CEP63: variants seen among roughly 807,000 people sequenced by gnomAD.
CEP63 encodes the protein centrosomal protein of 63 kDa.
A neutral mutation model predicts 89.1 loss-of-function variants in CEP63; 84 were observed. The ratio of observed to expected loss-of-function variants is 0.94; its 90% confidence interval spans 0.79 to 1.13. The LOEUF is 1.13. Ranked by LOEUF, CEP63 falls within the 50% of genes most tolerant of loss-of-function variation. CEP63 has a pLI of 0.00. For synonymous variants in CEP63, 267 were observed against 272.5 expected, an observed-to-expected ratio of 0.98 and a Z score of 0.20; for missense variants, 838 against 813.3, an observed-to-expected ratio of 1.03 and a Z score of -0.37.
At chr3:134,560,160 T>C (rs1047134041) in intron 14 of CEP63, among the ~76,000 whole-genome samples, 4 of 152,258 alleles carry the variant, frequency 2.6e-5, no homozygotes, top group Non-Finnish European at 5.9e-5. Flanking sequence ...ACCAGAACTT[T>C]CCCTGGCCTG....
At chr3:134,531,229 T>C (rs766068110) in intron 3 of CEP63, among the ~76,000 whole-genome samples, 18 of 152,232 alleles carry the variant, frequency 1.2e-4, no homozygotes, top group African/African-American at 3.4e-4. Context: ...CTCAACACTT[T>C]ATATTTCTTA....
intron 3 of CEP63, among the ~76,000 whole-genome samples, chr3:134,508,680 C>T (rs1416370883): frequency 5.3e-5 from 8 of 152,136 alleles, no homozygotes; most frequent in East Asian, 3.9e-4. Flanking sequence ...GCATTGTTGC[C>T]GTTACTTAAT....
the CEP63 span, chr3:134,650,758 G>T: frequency 1.4e-6 from 2 of 1,409,306 alleles, no homozygotes; most frequent in Non-Finnish European, 1.9e-6. Flanking sequence ...CCCCCGGCGG[G>T]CAGGCCCTTG....
At chr3:134,731,598 G>GA in the CEP63 span, among the ~76,000 whole-genome samples, 5 of 152,156 alleles carry the variant, frequency 3.3e-5, no homozygotes, top group Non-Finnish European at 5.9e-5. Flanking sequence ...GCAGCTGCCT[G>GA]AACCTGTTTA....
chr3:134,723,334 T>C, the CEP63 span, among the ~76,000 whole-genome samples: 1 of 152,220 alleles, frequency 6.6e-6, no homozygotes, highest in African/African-American at 2.4e-5. Context: ...AGATTTCACC[T>C]GTTTCTGTTT....
chr3:134,569,656 C>T (rs1957936158), downstream of CEP63, among the ~76,000 whole-genome samples: 1 of 152,140 alleles, frequency 6.6e-6, no homozygotes, highest in South Asian at 2.1e-4. Context: ...GTGGCTTTTC[C>T]AGGTGCACGG....
the CEP63 span, among the ~76,000 whole-genome samples, chr3:134,760,720 G>A: frequency 6.6e-6 from 1 of 152,300 alleles, no homozygotes; most frequent in Non-Finnish European, 1.5e-5. Context: ...ATAGTTGGTG[G>A]CCACACCAAA....
chr3:134,584,956 G>GTTTTTTTTTTTT (rs780691730), intron 10 of CEP63, among the ~76,000 whole-genome samples: 16 of 36,026 alleles, frequency 4.4e-4, no homozygotes, highest in South Asian at 4.0e-3. Context: ...ATTTTCTAGG[G>GTTTTTTTTTTTT]TTTTTTTTTT....
intron 10 of CEP63, among the ~76,000 whole-genome samples, chr3:134,586,011 A>T (rs1958476338): frequency 6.9e-6 from 1 of 145,388 alleles, no homozygotes; most frequent in African/African-American, 2.6e-5. Flanking sequence ...AGAGACTAGG[A>T]TTGCAACTCC....
At position 134,561,429 on chromosome 3, in the gene CEP63, A is replaced by G; in HGVS notation, c.2006A>G (p.Glu669Gly). The G allele has an allele frequency of 1.2e-6, 2 of 1,614,056 alleles. No individual in the cohort carries two copies. The highest frequency in any genetic ancestry group is 1.7e-6 in the Non-Finnish European group (2 of 1,179,958). Residue 669 changes from glutamate to glycine, a missense_variant, in exon 15 of 15, where the codon GAG becomes GGG. Transcript: ENST00000675561. ...TCAATAGCTACCAGATTTTTGGAAG[A>G]GGAGGAACTGAGGTCTCATCACATT... ...LGSIATRFLE[E>G]EELRSHHILE... is the part of the protein sequence containing the mutation.
the CEP63 span, chr3:134,651,268 T>A: frequency 8.3e-7 from 1 of 1,198,100 alleles, no homozygotes; most frequent in Non-Finnish European, 1.0e-6. Flanking sequence ...AGAGCCTCCC[T>A]CCCTGCGCCC....
chr3:134,692,820 C>T, the CEP63 span, among the ~76,000 whole-genome samples: 1 of 152,214 alleles, frequency 6.6e-6, no homozygotes, highest in Non-Finnish European at 1.5e-5. Context: ...GTCCTTAGCA[C>T]ACTATGGCTG....
chr3:134,529,339 C>CT (rs66493822), intron 3 of CEP63, among the ~76,000 whole-genome samples: 37,019 of 116,584 alleles, frequency 0.32, 7,918 homozygotes, highest in African/African-American at 0.36. Flanking sequence ...TCCCCATTGA[C>CT]TTTTTTTTTT....
At chr3:134,516,832 T>C (rs2108657249) in intron 3 of CEP63, among the ~76,000 whole-genome samples, 1 of 152,316 alleles carries the variant, frequency 6.6e-6, no homozygotes, top group South Asian at 2.1e-4. Flanking sequence ...GAGTCTCTTA[T>C]TTCTACTTCT....
chr3:134,760,375 T>A, the CEP63 span, among the ~76,000 whole-genome samples: 1 of 152,218 alleles, frequency 6.6e-6, no homozygotes, highest in Non-Finnish European at 1.5e-5. Context: ...TTCTTTTATG[T>A]GGTTTCATTT....
chr3:134,622,552 G>A, the CEP63 span, among the ~76,000 whole-genome samples: 1 of 152,148 alleles, frequency 6.6e-6, no homozygotes. Context: ...CCAGGGGCTG[G>A]GGGAGGAGAA....
At chr3:134,664,578 G>A in the CEP63 span, among the ~76,000 whole-genome samples, 3 of 152,186 alleles carry the variant, frequency 2.0e-5, no homozygotes, top group African/African-American at 7.2e-5. Flanking sequence ...TTTGTGTGGG[G>A]TGGCTCTCTA....
At chr3:134,568,663 T>A (rs996510456), downstream of CEP63, among the ~76,000 whole-genome samples, 11 of 152,254 alleles carry the variant, frequency 7.2e-5, no homozygotes, top group South Asian at 2.1e-4. Context: ...GCTTGTAGAC[T>A]AAGAAGGCAT....
At chr3:134,682,554 A>G in the CEP63 span, among the ~76,000 whole-genome samples, 1 of 152,228 alleles carries the variant, frequency 6.6e-6, no homozygotes, top group Non-Finnish European at 1.5e-5. Flanking sequence ...TCTCTGGAAC[A>G]CTATTATTAA....
Sources: allele counts gnomAD v4.1 joint callset (sites outside exome capture counted in the v4.1 genomes callset), GRCh38; gene constraint gnomAD v4.1.1; transcripts MANE v1.5; gene names NCBI Gene and HGNC (gene_info 2026-07-23, HGNC 2026-07-21).